LMO7: variants seen among roughly 807,000 people sequenced by gnomAD.
The protein encoded by LMO7 is LIM domain 7.
Under a neutral mutation model 206.5 loss-of-function variants are expected in LMO7, and 120 were observed. The observed-to-expected ratio is 0.58, with a 90% confidence interval of 0.50 to 0.68. The LOEUF (loss-of-function observed/expected upper bound fraction) is 0.68, where lower values mean the gene tolerates loss of function less well. LMO7 is among the 30% of genes least tolerant of loss of function. LMO7 has a pLI of 0.00. For synonymous variants in LMO7, 706 were observed against 681.5 expected (o/e 1.04, Z -0.56); for missense variants, 1,959 against 1,957.9 (o/e 1.00, Z -0.01).
Position 75,795,537 on chromosome 13 carries a change from AT to A in LMO7, c.348+112del, listed in dbSNP as rs759274249. On this transcript the variant is annotated intron_variant, in intron 5 of 30. Transcript: ENST00000377534. ...ATACTCTACATCTCTTTTCTAATTA[AT>A]TTTTTGCTACAAACCAATCAGTTAC... The A allele has an allele frequency of 6.2e-4, 477 of 771,256 alleles. 1 individual carries two copies. The highest frequency in any genetic ancestry group is 9.8e-4 in the Admixed American group (38 of 38,606). 47.8% of individuals were successfully genotyped at this position (771,256 alleles called of 1,614,324 possible).
At chr13:75,780,809 A>G (rs1405119246) in intron 4 of LMO7, among the ~76,000 whole-genome samples, 1 of 152,212 alleles carries the variant, frequency 6.6e-6, no homozygotes, top group Admixed American at 6.5e-5. Context: ...ATGAATCTTC[A>G]CAATTTATGT....
chr13:75,838,214 C>CAA lies in LMO7; in HGVS notation c.3451+19_3451+20dup, dbSNP rs753352656. The CAA allele has an allele frequency of 3.8e-6, 6 of 1,597,964 alleles. No homozygotes were observed. Among genetic ancestry groups the CAA allele is most frequent in the Non-Finnish European group, 8.6e-7 (1 of 1,165,898 alleles). On this transcript the variant is annotated intron_variant, in intron 20 of 30. Transcript: ENST00000377534. The stretch of plus-strand genomic sequence containing the variant: ...TGAACAAGGTAAACCACAAAGCTAA[C>CAA]AATTCATGCACTTTCATGGAATTGT...
At chr13:75,644,044 C>T (rs952302640) in intron 1 of LMO7, among the ~76,000 whole-genome samples, 3 of 152,038 alleles carry the variant, frequency 2.0e-5, no homozygotes, top group African/African-American at 4.8e-5. Context: ...CACAGTGAGA[C>T]TTTTGACTCA....
At chr13:75,835,563 A>G (rs1347043864) in intron 18 of LMO7, among the ~76,000 whole-genome samples, 1 of 152,206 alleles carries the variant, frequency 6.6e-6, no homozygotes, top group African/African-American at 2.4e-5. Context: ...GGTAAAATCC[A>G]AAGACCCCAT....
chr13:75,765,316 CT>C (rs139335299), intron 4 of LMO7, among the ~76,000 whole-genome samples: 4,647 of 119,224 alleles, frequency 0.039, 79 homozygotes, highest in East Asian at 0.057. Context: ...CCTAGTTTTA[CT>C]TTTTTTTTTT....
intron 11 of LMO7, among the ~76,000 whole-genome samples, chr13:75,810,149 AG>A (rs1161524042): frequency 6.6e-6 from 1 of 152,186 alleles, no homozygotes; most frequent in African/African-American, 2.4e-5. Flanking sequence ...ATTCATTCTT[AG>A]TACAAAATCA....
In LMO7 at chr13:75,776,197, ATATATAT is replaced by A. The variant is rs1566434212; in HGVS notation, c.317+15160_317+15166del. Among the ~76,000 whole-genome samples, 242 of 108,978 alleles carry A rather than the reference ATATATAT, an allele frequency of 2.2e-3. 3 individuals carry two copies. The highest frequency in any genetic ancestry group is 3.6e-3 in the Non-Finnish European group (191 of 53,232). The allele number at this position is 108,978 out of a possible 152,430, so 71.5% of individuals were successfully genotyped here. ...TATATATATATATATATATATATATATATATATAACGTTAAGTCGTAGTAAGTGATTG... is the reference window on the plus strand; with the variant it reads ...TATATATATATATATATATATATATAAACGTTAAGTCGTAGTAAGTGATTG... On this transcript the variant is annotated intron_variant, in intron 4 of 30. Transcript: ENST00000377534.
rs1464185842 is a variant in LMO7, at chr13:75,692,265, G to A, written c.70-20917G>A. On this transcript the variant is annotated intron_variant, in intron 1 of 30. Coordinates refer to ENST00000377534, the MANE Select transcript of LMO7 (RefSeq NM_001306080.2). ...TCCAGACTACCCAGGCCCTAGTTCT[G>A]CAGATTGGGTCACAAGCCAACAGAC... Among the ~76,000 whole-genome samples, 9 of 152,164 alleles carry A rather than the reference G, an allele frequency of 5.9e-5. No homozygotes were observed. The South Asian group carries it at 1.9e-3, about 32-fold the overall frequency.
chr13:75,841,137 T>G lies in LMO7; in HGVS notation c.3611T>G (p.Leu1204Arg). ...AAATATCAACGTGAGCAGGAGAAAC[T>G]GAGGGAAGAGTGGCAAAGGGCCAAA... The part of the protein sequence containing the change: ...QEKYQREQEK[L>R]REEWQRAKQE... The change falls in exon 23 of 31, where the codon CTG becomes CGG. Residue 1204 changes from leucine (L) to arginine (R), a missense_variant. By Grantham distance (102) the Leu-to-Arg change is moderately radical (BLOSUM62 -2). Coordinates refer to ENST00000377534, the MANE Select transcript of LMO7 (RefSeq NM_001306080.2). The G allele has an allele frequency of 6.2e-7, 1 of 1,612,972 alleles. No homozygotes were observed. The highest frequency in any genetic ancestry group is 8.5e-7 in the Non-Finnish European group (1 of 1,179,078).
rs1555293391 is a variant in LMO7, at chr13:75,681,718, G to GTATGTGTATATA, written c.70-31461_70-31460insGTGTATATATAT. On this transcript the variant is annotated intron_variant, in intron 1 of 30. Transcript: ENST00000377534. ...TATGTATGTATGTGTATATATATAT[G>GTATGTGTATATA]TATATATATATATATATATATATAT... Among the ~76,000 whole-genome samples the GTATGTGTATATA allele has an allele frequency of 7.6e-4, 79 of 104,560 alleles. 2 individuals are homozygous for GTATGTGTATATA. The highest frequency in any genetic ancestry group is 7.5e-4 in the Non-Finnish European group (39 of 51,840). The allele number at this position is 104,560 out of a possible 152,430, so 68.6% of individuals were successfully genotyped here. A position where few individuals can be genotyped will look rare whatever the true frequency, so the allele number is the denominator to read the frequency against.
intron 2 of LMO7, among the ~76,000 whole-genome samples, chr13:75,718,982 T>C (rs532000908): frequency 7.3e-4 from 106 of 145,208 alleles, no homozygotes; most frequent in African/African-American, 2.4e-3. Flanking sequence ...GTCTCTCTCT[T>C]TTTTTTTTTT....
At position 75,855,276 on chromosome 13, in the gene LMO7, C is replaced by T. The variant is rs2060834992; in HGVS notation, c.4678C>T (p.Arg1560Cys). The T allele has an allele frequency of 1.9e-6, 3 of 1,611,514 alleles. No individual in the cohort carries two copies. The highest frequency in any genetic ancestry group is 2.2e-5 in the East Asian group (1 of 44,866). Residue 1560 changes from arginine (R) to cysteine (C), a missense_variant, in exon 29 of 31, where the codon CGC (arginine) becomes TGC (cysteine). Physicochemically the swap from Arg to Cys is radical, Grantham distance 180. Transcript: ENST00000377534. ...QLRNRSVSGK[R>C]ICSYCNNILG... is the part of the protein sequence containing the mutation. Reference sequence around the variant, plus strand: ...TGCATCTAGGTCAGTCAGTGGGAAGCGCATATGCTCCTACTGCAATAACAT... The same window carrying T: ...TGCATCTAGGTCAGTCAGTGGGAAGTGCATATGCTCCTACTGCAATAACAT...
intron 3 of LMO7, among the ~76,000 whole-genome samples, chr13:75,758,312 A>G (rs1203470143): frequency 6.6e-6 from 1 of 152,136 alleles, no homozygotes; most frequent in East Asian, 1.9e-4. Flanking sequence ...ATTTTATTTT[A>G]TAATTTTATA....
chr13:75,806,126 C>T, intron 9 of LMO7: 1 of 1,029,378 alleles, frequency 9.7e-7, no homozygotes, highest in Non-Finnish European at 1.2e-6. Flanking sequence ...TTTAGTAGAG[C>T]ACAAAAAGCA....
chr13:75,699,150 C>T (rs1317608937), intron 1 of LMO7, among the ~76,000 whole-genome samples: 1 of 152,128 alleles, frequency 6.6e-6, no homozygotes, highest in African/African-American at 2.4e-5. Context: ...GTTCCCTTAT[C>T]AGGAAGTACG....
intron 11 of LMO7, among the ~76,000 whole-genome samples, chr13:75,816,431 G>A (rs142649950): frequency 1.9e-4 from 29 of 152,306 alleles, no homozygotes; most frequent in African/African-American, 6.7e-4. Context: ...TTATGTGCAT[G>A]TAGAGAGCAC....
At chr13:75,722,436 T>C (rs2328955) in intron 2 of LMO7, among the ~76,000 whole-genome samples, 35,696 of 151,920 alleles carry the variant, frequency 0.23, 5,226 homozygotes, top group Non-Finnish European at 0.32. Context: ...AAAAAGCATA[T>C]GGAAAAATGT....
At chr13:75,778,117 G>A (rs2140236703) in intron 4 of LMO7, among the ~76,000 whole-genome samples, 1 of 152,278 alleles carries the variant, frequency 6.6e-6, no homozygotes, top group African/African-American at 2.4e-5. Flanking sequence ...TTCTAAATAG[G>A]ATTCCTTTAA....
chr13:75,825,629 A>G (rs1235381437), intron 15 of LMO7, among the ~76,000 whole-genome samples: 1 of 152,130 alleles, frequency 6.6e-6, no homozygotes, highest in African/African-American at 2.4e-5. Context: ...TTTAATGTGG[A>G]TATAATTCAT....
Sources: gnomAD v4.1 joint callset for allele counts (sites outside exome capture counted in the v4.1 genomes callset) on GRCh38, gnomAD v4.1.1 for gene constraint, MANE v1.5 for transcripts, NCBI Gene and HGNC (gene_info 2026-07-23, HGNC 2026-07-21) for gene names.